PTCHD4: variants seen among roughly 807,000 people sequenced by gnomAD.
PTCHD4 encodes the protein patched domain-containing protein 4.
A neutral mutation model predicts 58.1 loss-of-function variants in PTCHD4; 33 were observed. That is an observed-to-expected ratio of 0.57 (90% CI 0.43 to 0.76). The LOEUF is 0.76. PTCHD4 is among the 30% of genes least tolerant of loss of function. The pLI, the probability that PTCHD4 is intolerant of heterozygous loss-of-function variation, is 0.00. For missense variants in PTCHD4, 1,058 were observed against 1,027.1 expected (o/e 1.03, Z -0.41); for synonymous variants, 478 against 409.6 (o/e 1.17, Z -2.02).
chr6:48,072,339 A>G (rs1348023103), intron 1 of PTCHD4, among the ~76,000 whole-genome samples: 1 of 152,164 alleles, frequency 6.6e-6, no homozygotes, highest in African/African-American at 2.4e-5. Flanking sequence ...TATAATTTGA[A>G]AATACTTTCT....
rs370847226 is a variant in PTCHD4, at chr6:48,018,922, C to T, written c.418-9808G>A. On this transcript the variant is annotated intron_variant, in intron 3 of 4. Coordinates refer to ENST00000339488, the MANE Select transcript of PTCHD4 (RefSeq NM_001384253.1). ...CCCTTCAGTAGAAAGATTAAAAGTC[C>T]TGCCATTATTGCCTTTCTTTTGGAC... Among the ~76,000 whole-genome samples, 4 of 152,298 alleles carry T rather than the reference C, an allele frequency of 2.6e-5. No homozygotes were observed. The East Asian group carries it at 7.7e-4, about 29-fold the overall frequency.
intron 4 of PTCHD4, among the ~76,000 whole-genome samples, chr6:47,886,956 A>G (rs1449217676): frequency 6.6e-6 from 1 of 152,188 alleles, no homozygotes; most frequent in East Asian, 1.9e-4. Context: ...CTAGACTGAG[A>G]TTGCCCGTTG....
intron 3 of PTCHD4, among the ~76,000 whole-genome samples, chr6:48,045,461 T>A (rs1764001093): frequency 6.6e-6 from 1 of 151,810 alleles, no homozygotes; most frequent in African/African-American, 2.4e-5. Context: ...TTCTTTTTCA[T>A]AAGGTGACAA....
intron 3 of PTCHD4, among the ~76,000 whole-genome samples, chr6:48,026,022 T>G (rs938600662): frequency 6.6e-6 from 1 of 152,118 alleles, no homozygotes; most frequent in Non-Finnish European, 1.5e-5. Context: ...AGACAATAAG[T>G]ATGAACCTGA....
chr6:48,040,724 C>G (rs2114150870), intron 3 of PTCHD4, among the ~76,000 whole-genome samples: 1 of 152,124 alleles, frequency 6.6e-6, no homozygotes, highest in African/African-American at 2.4e-5. Context: ...GAAATGGATA[C>G]TATTAGTATT....
At chr6:48,035,700 C>T (rs565240071) in intron 3 of PTCHD4, among the ~76,000 whole-genome samples, 1 of 152,226 alleles carries the variant, frequency 6.6e-6, no homozygotes, top group South Asian at 2.1e-4. Flanking sequence ...AGTATCTGAT[C>T]ACTTTCAATA....
At chr6:48,047,657 G>A (rs1267563673) in intron 3 of PTCHD4, among the ~76,000 whole-genome samples, 1 of 151,796 alleles carries the variant, frequency 6.6e-6, no homozygotes, top group Non-Finnish European at 1.5e-5. Flanking sequence ...CCTTTGGGAA[G>A]TGACTAGGTA....
At chr6:48,044,480 C>T (rs2114157577) in intron 3 of PTCHD4, among the ~76,000 whole-genome samples, 1 of 151,742 alleles carries the variant, frequency 6.6e-6, no homozygotes, top group South Asian at 2.1e-4. Context: ...ATCTGTTTTC[C>T]AGTAGAAGAA....
chr6:47,993,346 G>A (rs796464328), intron 4 of PTCHD4, among the ~76,000 whole-genome samples: 9 of 152,224 alleles, frequency 5.9e-5, no homozygotes, highest in African/African-American at 2.2e-4. Context: ...TCTCAAAGTC[G>A]ACATATCCCA....
At chr6:47,890,824 T>C in intron 4 of PTCHD4, 1 of 897,298 alleles carries the variant, frequency 1.1e-6, no homozygotes. Flanking sequence ...ATGGCTTGCT[T>C]TCCTGCTCTC....
chr6:47,921,719 G>T (rs1435468399), intron 4 of PTCHD4, among the ~76,000 whole-genome samples: 1 of 152,104 alleles, frequency 6.6e-6, no homozygotes, highest in African/African-American at 2.4e-5. Flanking sequence ...TGGCTGCCAA[G>T]AATCACAATG....
At chr6:48,044,860 T>G (rs1287335716) in intron 3 of PTCHD4, among the ~76,000 whole-genome samples, 1 of 151,840 alleles carries the variant, frequency 6.6e-6, no homozygotes, top group Admixed American at 6.6e-5. Flanking sequence ...ATTCATACCA[T>G]TGAACTTCAA....
At chr6:48,060,717 C>T (rs1764595882) in intron 3 of PTCHD4, among the ~76,000 whole-genome samples, 1 of 152,180 alleles carries the variant, frequency 6.6e-6, no homozygotes, top group Admixed American at 6.5e-5. Context: ...TCAAACGATC[C>T]ACCCACCTCA....
chr6:47,995,153 C>T (rs909220375), intron 4 of PTCHD4, among the ~76,000 whole-genome samples: 4 of 151,984 alleles, frequency 2.6e-5, no homozygotes, highest in South Asian at 4.2e-4. Flanking sequence ...TGTGGTAGTC[C>T]CATCAGAAAC....
chr6:48,049,952 C>T (rs1473649042), intron 3 of PTCHD4, among the ~76,000 whole-genome samples: 1 of 151,922 alleles, frequency 6.6e-6, no homozygotes, highest in African/African-American at 2.4e-5. Context: ...TGTAAAACTA[C>T]ATCAAATATG....
Position 47,995,068 on chromosome 6 carries a change from G to A in PTCHD4, c.898+13566C>T, listed in dbSNP as rs1287657422. On this transcript the variant is annotated intron_variant, in intron 4 of 4. Transcript: ENST00000339488. ...AACTCATTTGGTCTAGATAGATAGC[G>A]TTTGTTTCATTTGACCTGTTTATTG... 3.9e-5 allele frequency among the ~76,000 whole-genome samples: 6 copies of A among 152,182 alleles called. No individual in the cohort carries two copies. In the East Asian group the frequency reaches 7.7e-4, roughly 20 times the overall value.
intron 4 of PTCHD4, among the ~76,000 whole-genome samples, chr6:47,959,206 G>T (rs577880649): frequency 6.6e-6 from 1 of 152,166 alleles, no homozygotes; most frequent in South Asian, 2.1e-4. Flanking sequence ...TATTTTGTAT[G>T]CTCAAGAAGT....
chr6:47,978,188 T>C (rs932746733), intron 4 of PTCHD4, among the ~76,000 whole-genome samples: 2 of 152,154 alleles, frequency 1.3e-5, no homozygotes, highest in African/African-American at 4.8e-5. Context: ...GATTTCCTTT[T>C]GTTTGTAGAG....
In PTCHD4 at chr6:47,863,890, G is replaced by T. The variant is rs768313276; in HGVS notation, c.*14413C>A. Among the ~76,000 whole-genome samples, 6 of 151,970 alleles carry T rather than the reference G, an allele frequency of 3.9e-5. No homozygotes were observed. The highest frequency in any genetic ancestry group is 8.8e-5 in the Non-Finnish European group (6 of 67,936). The stretch of plus-strand genomic sequence containing the variant: ...GTCTTCTAGATGAGTTCTACCAACA[G>T]GTAGACTTGTCAGATATGGCCTTAG... On this transcript the variant is annotated 3_prime_UTR_variant, in exon 5 of 5. Coordinates refer to ENST00000339488, the MANE Select transcript of PTCHD4 (RefSeq NM_001384253.1).
Sources: allele counts gnomAD v4.1 joint callset (sites outside exome capture counted in the v4.1 genomes callset), GRCh38; gene constraint gnomAD v4.1.1; transcripts MANE v1.5; gene names NCBI Gene and HGNC (gene_info 2026-07-23, HGNC 2026-07-21).